BCKDHB: variants seen among roughly 807,000 people sequenced by gnomAD.
BCKDHB encodes branched chain keto acid dehydrogenase E1 subunit beta.
In BCKDHB, 41 loss-of-function variants were observed where a neutral mutation model predicts 48.5. The ratio of observed to expected loss-of-function variants is 0.85; its 90% CI spans 0.66 to 1.10. The LOEUF (loss-of-function observed/expected upper bound fraction) is 1.10. Among genes scored for constraint, BCKDHB ranks in the 50% least tolerant of loss-of-function variants. The pLI is 0.00. For synonymous variants in BCKDHB, 201 were observed against 174.8 expected, an observed-to-expected ratio of 1.15 and a Z score of -1.18; for missense variants, 496 against 494.2, an observed-to-expected ratio of 1.00 and a Z score of -0.03.
At chr6:80,172,112 C>A (rs900032217) in intron 6 of BCKDHB, among the ~76,000 whole-genome samples, 7 of 152,178 alleles carry the variant, frequency 4.6e-5, no homozygotes, top group African/African-American at 1.7e-4. Flanking sequence ...TCCATGCACA[C>A]TGCATATGTT....
In BCKDHB at chr6:80,276,541, G is replaced by T. The variant is rs186597850; in HGVS notation, c.1038+3320G>T. Among the ~76,000 whole-genome samples, 417 of 151,814 alleles carry T rather than the reference G, an allele frequency of 2.7e-3. 3 individuals are homozygous for T. Among genetic ancestry groups the T allele is most frequent in the Non-Finnish European group, 2.8e-3 (191 of 67,770 alleles). On this transcript the variant is annotated intron_variant, in intron 9 of 9. Transcript: ENST00000320393. ...GCATTACTATTTAAAGCTTATTTTA[G>T]TATACAGATCAAATATGAAAGAAAT...
At chr6:80,298,118 T>TC (rs911949571) in intron 9 of BCKDHB, among the ~76,000 whole-genome samples, 13 of 152,134 alleles carry the variant, frequency 8.5e-5, no homozygotes, top group Non-Finnish European at 1.6e-4. Flanking sequence ...TAAATTTCTT[T>TC]CTTTTTTTTT....
chr6:80,431,318 T>C, the BCKDHB span, among the ~76,000 whole-genome samples: 1 of 152,224 alleles, frequency 6.6e-6, no homozygotes, highest in Non-Finnish European at 1.5e-5. Context: ...TGGAGAGTTC[T>C]GTGGATGTCT....
At chr6:80,137,273 C>T (rs1187024230) in intron 3 of BCKDHB, among the ~76,000 whole-genome samples, 1 of 152,134 alleles carries the variant, frequency 6.6e-6, no homozygotes, top group Non-Finnish European at 1.5e-5. Flanking sequence ...TACAAACGGT[C>T]ACTGTATTTT....
chr6:80,322,896 C>CTTTTTTTTTTTTTTTTTTTTT (rs34177726), intron 9 of BCKDHB, among the ~76,000 whole-genome samples: 4 of 115,554 alleles, frequency 3.5e-5, no homozygotes, highest in African/African-American at 6.5e-5. Context: ...TTTCTTTTTT[C>CTTTTTTTTTTTTTTTTTTTTT]TTTTTTTTTT....
intron 8 of BCKDHB, among the ~76,000 whole-genome samples, chr6:80,250,985 G>A (rs1161368435): frequency 6.6e-6 from 1 of 152,174 alleles, no homozygotes. Context: ...GGAATTATGT[G>A]ATAACTATTT....
At chr6:80,431,655 T>G in the BCKDHB span, among the ~76,000 whole-genome samples, 1 of 152,218 alleles carries the variant, frequency 6.6e-6, no homozygotes, top group African/African-American at 2.4e-5. Flanking sequence ...CTGCTTTTTT[T>G]CTGCTTTCCA....
intron 8 of BCKDHB, among the ~76,000 whole-genome samples, chr6:80,258,604 G>C (rs1043570950): frequency 3.9e-5 from 6 of 152,330 alleles, no homozygotes; most frequent in African/African-American, 1.4e-4. Context: ...GGCTCCCCCA[G>C]GCACCGGGAG....
chr6:80,384,583 TC>T, the BCKDHB span, among the ~76,000 whole-genome samples: 1 of 152,060 alleles, frequency 6.6e-6, no homozygotes, highest in East Asian at 1.9e-4. Context: ...GGTCTTGAAC[TC>T]CTGATCTTGT....
Position 80,151,371 on chromosome 6 carries a change from A to G in BCKDHB, c.344-16307A>G, listed in dbSNP as rs148991722. 1.2e-3 allele frequency among the ~76,000 whole-genome samples: 186 copies of G among 152,290 alleles called. 1 individual carries two copies. Among genetic ancestry groups the G allele is most frequent in the African/African-American group, 4.1e-3 (172 of 41,580 alleles). On this transcript the variant is annotated intron_variant, in intron 3 of 9. Coordinates refer to ENST00000320393, the MANE Select transcript of BCKDHB (RefSeq NM_183050.4). ...TGATGTAAGTTATGAAAATTAGAAA[A>G]CATTTCAGATTTAGAATATAATGAT...
chr6:80,119,343 G>A (rs1406018699), intron 1 of BCKDHB, among the ~76,000 whole-genome samples: 5 of 152,128 alleles, frequency 3.3e-5, no homozygotes, highest in Admixed American at 2.6e-4. Context: ...TTTTGAGACA[G>A]AGTCTCACTC....
At chr6:80,190,251 A>G (rs1562121867) in intron 6 of BCKDHB, among the ~76,000 whole-genome samples, 2 of 152,220 alleles carry the variant, frequency 1.3e-5, no homozygotes, top group South Asian at 2.1e-4. Context: ...AACAGCCATT[A>G]TATAATCTTA....
At chr6:80,295,359 C>T (rs980887832) in intron 9 of BCKDHB, among the ~76,000 whole-genome samples, 1 of 152,114 alleles carries the variant, frequency 6.6e-6, no homozygotes, top group Non-Finnish European at 1.5e-5. Context: ...AGCAAAGTCA[C>T]ATCTCGTGTG....
the BCKDHB span, among the ~76,000 whole-genome samples, chr6:80,399,309 A>C: frequency 2.6e-5 from 4 of 152,184 alleles, no homozygotes; most frequent in African/African-American, 9.6e-5. Flanking sequence ...GAGGAAGTCA[A>C]ACTGTCCGTT....
chr6:80,443,784 C>T, the BCKDHB span, among the ~76,000 whole-genome samples: 5 of 152,062 alleles, frequency 3.3e-5, no homozygotes, highest in East Asian at 1.9e-4. Flanking sequence ...GCTGGGATTA[C>T]AGGCTATTCA....
chr6:80,140,338 A>G (rs531853483), intron 3 of BCKDHB, among the ~76,000 whole-genome samples: 56 of 152,290 alleles, frequency 3.7e-4, no homozygotes, highest in African/African-American at 1.2e-3. Context: ...TTCCAACACT[A>G]TGTTGAACAG....
At chr6:80,368,166 AGTT>A in the BCKDHB span, among the ~76,000 whole-genome samples, 1 of 152,156 alleles carries the variant, frequency 6.6e-6, no homozygotes, top group Non-Finnish European at 1.5e-5. Context: ...TCTTGCTCCC[AGTT>A]TTTCCCAGCC....
chr6:80,267,625 AG>A (rs1777568530), intron 8 of BCKDHB, among the ~76,000 whole-genome samples: 1 of 152,108 alleles, frequency 6.6e-6, no homozygotes, highest in South Asian at 2.1e-4. Context: ...CAAGTTGGAA[AG>A]GTAAGGTCGA....
the BCKDHB span, among the ~76,000 whole-genome samples, chr6:80,359,683 C>T: frequency 2.0e-5 from 3 of 152,158 alleles, no homozygotes; most frequent in Non-Finnish European, 4.4e-5. Flanking sequence ...CAACCTCTGC[C>T]TCCCTGGTTC....
Sources: gnomAD v4.1 joint callset for allele counts (sites outside exome capture counted in the v4.1 genomes callset) on GRCh38, gnomAD v4.1.1 for gene constraint, MANE v1.5 for transcripts, NCBI Gene and HGNC (gene_info 2026-07-23, HGNC 2026-07-21) for gene names.